Variants in DUSP29 observed in about 807,000 individuals in gnomAD.
The protein encoded by DUSP29 is dual specificity phosphatase 29.
DUSP29 carries 12 observed loss-of-function variants against 13.5 expected under a neutral mutation model. The observed-to-expected ratio is 0.89, with a 90% CI of 0.57 to 1.44. The LOEUF is 1.44. Ranked by LOEUF, DUSP29 falls within the 40% of genes most tolerant of loss-of-function variation. DUSP29 has a pLI of 0.00. For synonymous variants in DUSP29, 134 were observed against 128.7 expected (o/e 1.04, Z -0.28); for missense variants, 308 against 301.1 (o/e 1.02, Z -0.17).
At chr10:75,038,233 G>A (rs1030957132) in intron 3 of DUSP29, among the ~76,000 whole-genome samples, 156 bp from the exon 4 acceptor site, 1 of 152,118 alleles carries the variant, frequency 6.6e-6, no homozygotes, top group Non-Finnish European at 1.5e-5. Flanking sequence ...GGACACTCTC[G>A]GTGTCTTCTT....
chr10:75,043,619 C>T (rs997353786), intron 3 of DUSP29, among the ~76,000 whole-genome samples, 178 bp downstream of exon 3: 2 of 152,176 alleles, frequency 1.3e-5, no homozygotes, highest in African/African-American at 4.8e-5. Flanking sequence ...AGATTTCGCA[C>T]GCGCACATCC....
chr10:75,062,070 C>T (rs1847099713), intron 1 of DUSP29, among the ~76,000 whole-genome samples: 1 of 152,152 alleles, frequency 6.6e-6, no homozygotes, highest in Non-Finnish European at 1.5e-5. Context: ...TGTTTCCAGT[C>T]AGGAAGGAAG....
At chr10:75,055,841 T>C (rs1278929686) in intron 2 of DUSP29, among the ~76,000 whole-genome samples, 1 of 152,186 alleles carries the variant, frequency 6.6e-6, no homozygotes, top group Non-Finnish European at 1.5e-5. Context: ...AACTGAGAAA[T>C]TGTGGGTAAA....
chr10:75,046,627 G>T (rs1846713450), intron 2 of DUSP29, among the ~76,000 whole-genome samples: 2 of 152,250 alleles, frequency 1.3e-5, no homozygotes, highest in African/African-American at 4.8e-5. Flanking sequence ...CAGAACTGTG[G>T]CATGGGGAGG....
intron 1 of DUSP29, among the ~76,000 whole-genome samples, chr10:75,059,020 C>T (rs1280686177): frequency 6.6e-6 from 1 of 152,204 alleles, no homozygotes; most frequent in African/African-American, 2.4e-5. Flanking sequence ...AAGAGTACAT[C>T]GCCAAGGCCA....
intron 1 of DUSP29, among the ~76,000 whole-genome samples, chr10:75,066,333 C>G (rs1007701465): frequency 6.6e-6 from 1 of 151,924 alleles, no homozygotes; most frequent in African/African-American, 2.4e-5. Flanking sequence ...CATTGGGACC[C>G]TAACCCTTCA....
intron 1 of DUSP29, among the ~76,000 whole-genome samples, chr10:75,065,431 C>T (rs994005894): frequency 9.2e-5 from 14 of 151,766 alleles, no homozygotes; most frequent in Non-Finnish European, 1.3e-4. Flanking sequence ...CGGGTTCAAG[C>T]GATTCTCCTG....
chr10:75,053,192 C>T (rs1460431775), intron 2 of DUSP29, among the ~76,000 whole-genome samples: 1 of 152,214 alleles, frequency 6.6e-6, no homozygotes, highest in African/African-American at 2.4e-5. Flanking sequence ...ACTGACCACA[C>T]AGCAGTAGAA....
chr10:75,037,940 G>A lies in DUSP29; in HGVS notation c.559C>T (p.Arg187Trp), dbSNP rs149175172. ...TCCCGGAGCTGCTTCAAAAAGCCCC[G>A]GTTCGGGAGGACGCAGCGGTTCTTG... ...VAKNRCVLPN[R>W]GFLKQLRELD... The change falls in exon 4 of 4, where the codon CGG becomes TGG. Residue 187 changes from arginine (R) to tryptophan (W), a missense_variant. Coordinates refer to ENST00000338487, the MANE Select transcript of DUSP29 (RefSeq NM_001003892.3). 3.8e-5 allele frequency: 62 copies of A among 1,613,840 alleles called. No homozygotes were observed. The highest frequency in any genetic ancestry group is 6.7e-5 in the East Asian group (3 of 44,904).
intron 1 of DUSP29, among the ~76,000 whole-genome samples, chr10:75,064,874 T>A (rs958923284): frequency 2.6e-5 from 4 of 152,128 alleles, no homozygotes; most frequent in Admixed American, 2.6e-4. Flanking sequence ...GACTTTTTCT[T>A]CTGTTTCCTA....
chr10:75,062,980 C>T (rs539576160), intron 1 of DUSP29, among the ~76,000 whole-genome samples: 1 of 152,302 alleles, frequency 6.6e-6, no homozygotes, highest in South Asian at 2.1e-4. Context: ...GGCAGCCTGT[C>T]TCCTCCTTAA....
chr10:75,073,307 G>A (rs1033601359), intron 1 of DUSP29, among the ~76,000 whole-genome samples: 17 of 152,216 alleles, frequency 1.1e-4, no homozygotes, highest in Admixed American at 3.9e-4. Context: ...ACAAGGGCTC[G>A]ATGAGCTTTA....
At chr10:75,052,963 A>C (rs1846876835) in intron 2 of DUSP29, among the ~76,000 whole-genome samples, 1 of 152,206 alleles carries the variant, frequency 6.6e-6, no homozygotes, top group Non-Finnish European at 1.5e-5. Flanking sequence ...TCACTTCTAA[A>C]TCAGCTTATG....
intron 1 of DUSP29, among the ~76,000 whole-genome samples, chr10:75,067,252 AC>A (rs1564646664): frequency 6.6e-6 from 1 of 151,938 alleles, no homozygotes; most frequent in Non-Finnish European, 1.5e-5. Context: ...GAGCCACTGC[AC>A]CCGGCCTGAA....
At chr10:75,048,296 T>C (rs1190997604) in intron 2 of DUSP29, among the ~76,000 whole-genome samples, 1 of 152,218 alleles carries the variant, frequency 6.6e-6, no homozygotes, top group Non-Finnish European at 1.5e-5. Context: ...GTGATGGACA[T>C]TGTTTACACA....
chr10:75,046,966 A>G (rs1449825541), intron 2 of DUSP29, among the ~76,000 whole-genome samples: 4 of 152,216 alleles, frequency 2.6e-5, no homozygotes, highest in Admixed American at 1.3e-4. Flanking sequence ...GGCTTTCAAC[A>G]TAATCAAGTG....
chr10:75,038,801 C>T (rs528104323), intron 3 of DUSP29, among the ~76,000 whole-genome samples: 1 of 152,160 alleles, frequency 6.6e-6, no homozygotes, highest in East Asian at 1.9e-4. Flanking sequence ...GTAGGAGTTC[C>T]AAGAGCTGAA....
chr10:75,068,625 C>T (rs1363067689), intron 1 of DUSP29, among the ~76,000 whole-genome samples: 1 of 152,120 alleles, frequency 6.6e-6, no homozygotes, highest in Non-Finnish European at 1.5e-5. Context: ...TTCCATGACA[C>T]CACCCAAGTT....
At chr10:75,061,602 G>C (rs535778814) in intron 1 of DUSP29, among the ~76,000 whole-genome samples, 2 of 152,204 alleles carry the variant, frequency 1.3e-5, no homozygotes, top group Non-Finnish European at 2.9e-5. Flanking sequence ...TCTGAGATGT[G>C]GCTAGAGAGC....
Sources: gnomAD v4.1 joint callset for allele counts (sites outside exome capture counted in the v4.1 genomes callset) on GRCh38, gnomAD v4.1.1 for gene constraint, MANE v1.5 for transcripts, NCBI Gene and HGNC (gene_info 2026-07-23, HGNC 2026-07-21) for gene names.